DLGAP2: variants seen among roughly 807,000 people sequenced by gnomAD.
The protein encoded by DLGAP2 is disks large-associated protein 2.
Under a neutral mutation model 100.3 loss-of-function variants are expected in DLGAP2, and 26 were observed. That is an observed-to-expected ratio of 0.26 (90% CI 0.19 to 0.36). DLGAP2 has a LOEUF of 0.36. DLGAP2 is among the 10% of genes least tolerant of loss of function. DLGAP2 has a pLI of 1.00. For missense variants in DLGAP2, 1,858 were observed against 1,453.2 expected, an observed-to-expected ratio of 1.28 and a Z score of -4.53; for synonymous variants, 886 against 630.1, an observed-to-expected ratio of 1.41 and a Z score of -6.08.
At chr8:1,585,149 G>T (rs139682769) in intron 6 of DLGAP2, among the ~76,000 whole-genome samples, 1 of 152,128 alleles carries the variant, frequency 6.6e-6, no homozygotes, top group Non-Finnish European at 1.5e-5. Flanking sequence ...AGGCTCCTAA[G>T]ACTGGCGCCT....
At chr8:1,507,696 G>T (rs1041783422) in intron 4 of DLGAP2, among the ~76,000 whole-genome samples, 1 of 148,964 alleles carries the variant, frequency 6.7e-6, no homozygotes, top group Admixed American at 6.7e-5. Context: ...CTTCTGTCTA[G>T]AAAGAAGGTA....
chr8:1,549,678 C>T lies in DLGAP2; in HGVS notation c.1225C>T (p.Leu409Phe). 6.5e-7 allele frequency: 1 copy of T among 1,546,126 alleles called. No individual in the cohort carries two copies. The highest frequency in any genetic ancestry group is 1.2e-5 in the South Asian group (1 of 85,242). The part of the protein sequence containing the change: ...AKPALRPCHY[L>F]QVPQDEWGGY... ...GCCCGCCCTGAGGCCGTGCCACTACCTCCAGGTAAGCAGGCTCACGGCCCT... is the reference window on the plus strand; with the variant it reads ...GCCCGCCCTGAGGCCGTGCCACTACTTCCAGGTAAGCAGGCTCACGGCCCT... Residue 409 changes from leucine to phenylalanine, a missense_variant, in exon 5 of 15, where the codon CTC (leucine) becomes TTC (phenylalanine). Transcript: ENST00000637795.
intron 4 of DLGAP2, among the ~76,000 whole-genome samples, chr8:1,537,984 G>C (rs920104552): frequency 3.9e-5 from 6 of 151,918 alleles, no homozygotes; most frequent in Non-Finnish European, 7.4e-5. Context: ...AAGATACTGC[G>C]GGGGGAACAG....
intron 3 of DLGAP2, among the ~76,000 whole-genome samples, chr8:1,273,163 TTGTC>T (rs1202269671): frequency 2.6e-5 from 4 of 152,190 alleles, no homozygotes; most frequent in Admixed American, 6.5e-5. Flanking sequence ...TGGAAGGTGT[TTGTC>T]TGAGTGGACC....
intron 2 of DLGAP2, among the ~76,000 whole-genome samples, chr8:1,114,997 A>G (rs996307937): frequency 2.0e-5 from 3 of 152,158 alleles, no homozygotes; most frequent in Admixed American, 6.5e-5. Flanking sequence ...ATGTAATTTC[A>G]TGGTTTTGAG....
chr8:1,657,064 C>T (rs1798301348), intron 8 of DLGAP2, among the ~76,000 whole-genome samples: 1 of 152,040 alleles, frequency 6.6e-6, no homozygotes, highest in Admixed American at 6.5e-5. Flanking sequence ...GCTTTAAAAA[C>T]CAAACAGATA....
chr8:901,378 C>T (rs1481892736), intron 1 of DLGAP2, among the ~76,000 whole-genome samples: 4 of 152,190 alleles, frequency 2.6e-5, no homozygotes, highest in Non-Finnish European at 5.9e-5. Context: ...TGAATTTCTT[C>T]CAAAGAAAGT....
At chr8:968,207 T>C (rs1028048026) in intron 2 of DLGAP2, among the ~76,000 whole-genome samples, 3 of 152,144 alleles carry the variant, frequency 2.0e-5, no homozygotes, top group Non-Finnish European at 4.4e-5. Flanking sequence ...ACAAGCCACA[T>C]GTGGGCAGTA....
chr8:1,473,304 T>A (rs572749864), intron 3 of DLGAP2, among the ~76,000 whole-genome samples: 1 of 152,028 alleles, frequency 6.6e-6, no homozygotes, highest in South Asian at 2.1e-4. Flanking sequence ...AGGGGCTGAG[T>A]AGATGAACAG....
intron 3 of DLGAP2, among the ~76,000 whole-genome samples, chr8:1,424,336 C>G (rs944798389): frequency 1.2e-4 from 18 of 152,332 alleles, no homozygotes; most frequent in African/African-American, 3.8e-4. Context: ...CAAGGGCCCA[C>G]TATGAGCCAA....
At chr8:1,255,729 CCTGCCCG>C in intron 2 of DLGAP2, among the ~76,000 whole-genome samples, 6 of 143,270 alleles carry the variant, frequency 4.2e-5, no homozygotes, top group Non-Finnish European at 9.1e-5. Context: ...TGTGTCCTCT[CCTGCCCG>C]AGCACTGTAT....
At chr8:1,240,273 TAGTTCTGTTA>T (rs1798757918) in intron 2 of DLGAP2, among the ~76,000 whole-genome samples, 1 of 112,814 alleles carries the variant, frequency 8.9e-6, no homozygotes, top group African/African-American at 2.9e-5. Context: ...GCGCCGTGTC[TAGTTCTGTTA>T]CATGGCGCCG....
chr8:1,318,227 G>T (rs905549740), intron 3 of DLGAP2, among the ~76,000 whole-genome samples: 3 of 152,174 alleles, frequency 2.0e-5, no homozygotes, highest in African/African-American at 7.2e-5. Flanking sequence ...TGCAACTCTT[G>T]AAGGGTCCTG....
At position 1,646,043 on chromosome 8, in the gene DLGAP2, G is replaced by T. The variant is rs1483071183; in HGVS notation, c.1810+12997G>T. Among the ~76,000 whole-genome samples the T allele has an allele frequency of 3.3e-5, 5 of 152,310 alleles. No individual in the cohort carries two copies. In the South Asian group the frequency reaches 1.0e-3, roughly 32 times the overall value. On this transcript the variant is annotated intron_variant, in intron 8 of 14. Transcript: ENST00000637795. Reference sequence around the variant, plus strand: ...GATGGTGGAGTTCATGTGGCAACTTGACTGGGCCATGGAGTGCCCAGATAT... The same window carrying T: ...GATGGTGGAGTTCATGTGGCAACTTTACTGGGCCATGGAGTGCCCAGATAT...
intron 2 of DLGAP2, among the ~76,000 whole-genome samples, chr8:1,149,231 C>T (rs1010694281): frequency 3.3e-5 from 5 of 152,194 alleles, no homozygotes; most frequent in African/African-American, 7.2e-5. Flanking sequence ...CTGCAAGCTC[C>T]GCCTTCTGGG....
intron 2 of DLGAP2, among the ~76,000 whole-genome samples, chr8:1,157,218 G>T (rs949811710): frequency 3.3e-5 from 5 of 152,142 alleles, no homozygotes; most frequent in African/African-American, 9.7e-5. Flanking sequence ...GTGTGAAGCA[G>T]TTCCCGGGAG....
intron 3 of DLGAP2, among the ~76,000 whole-genome samples, chr8:1,365,355 G>A (rs1165765402): frequency 2.6e-5 from 4 of 152,156 alleles, no homozygotes; most frequent in African/African-American, 7.2e-5. Flanking sequence ...TGGGAAACAG[G>A]CACAGGGGAG....
chr8:1,102,971 C>G (rs933630932), intron 2 of DLGAP2, among the ~76,000 whole-genome samples: 1 of 151,274 alleles, frequency 6.6e-6, no homozygotes, highest in South Asian at 2.1e-4. Context: ...CCGGGGTCTT[C>G]ATGAGATTCT....
In DLGAP2 at chr8:1,489,003, C is replaced by A. The variant is rs56981581; in HGVS notation, c.107-12363C>A. On this transcript the variant is annotated intron_variant, in intron 3 of 14. Transcript: ENST00000637795. ...GATAGAACCCCACAGACTCAACTCGCATTCAGCTTAAATAATCCGCACTGT... is the reference window on the plus strand; with the variant it reads ...GATAGAACCCCACAGACTCAACTCGAATTCAGCTTAAATAATCCGCACTGT... Among the ~76,000 whole-genome samples, 61 of 152,308 alleles carry A rather than the reference C, an allele frequency of 4.0e-4. No homozygotes were observed. The East Asian group carries it at 0.012, about 29-fold the overall frequency.
Sources: allele counts gnomAD v4.1 joint callset (sites outside exome capture counted in the v4.1 genomes callset), GRCh38; gene constraint gnomAD v4.1.1; transcripts MANE v1.5; gene names NCBI Gene and HGNC (gene_info 2026-07-23, HGNC 2026-07-21).